The following DGCR2 variants were observed in gnomAD, a reference collection of about 807,000 sequenced individuals.
DGCR2 encodes integral membrane protein DGCR2/IDD.
DGCR2 carries 24 observed loss-of-function variants against 51.6 expected under a neutral mutation model. The ratio of observed to expected loss-of-function variants is 0.47; its 90% CI spans 0.34 to 0.65. The LOEUF is 0.65. Ranked by LOEUF, DGCR2 falls within the 30% of genes least tolerant of loss-of-function variation. DGCR2 has a pLI of 0.01. For missense variants in DGCR2, 765 were observed against 772.1 expected (o/e 0.99, Z 0.11); for synonymous variants, 340 against 315.4 (o/e 1.08, Z -0.82).
At position 19,041,389 on chromosome 22, in the gene DGCR2, G is replaced by A. The variant is rs888349025; in HGVS notation, c.1160-95C>T. 27 of 1,234,258 alleles carry A rather than the reference G, an allele frequency of 2.2e-5. No homozygotes were observed. In the South Asian group the frequency reaches 2.9e-4, roughly 13 times the overall value. 76.5% of individuals were successfully genotyped at this position (1,234,258 alleles called of 1,614,324 possible). ...CCCCCACCCCCAGGCTGGGCCTGCC[G>A]TCCCTGAGTGCACACACCTGTGCCC... On this transcript the variant is annotated intron_variant, in intron 8 of 9. Transcript: ENST00000263196.
chr22:19,062,779 A>ACTCT (rs11471797), intron 5 of DGCR2, among the ~76,000 whole-genome samples: 3,410 of 127,434 alleles, frequency 0.027, 159 homozygotes, highest in Middle Eastern at 0.047. Context: ...ATGCATGCTC[A>ACTCT]CTCTCTCTCT....
intron 2 of DGCR2, among the ~76,000 whole-genome samples, chr22:19,069,486 G>A (rs1307978543): frequency 6.6e-6 from 1 of 152,204 alleles, no homozygotes; most frequent in East Asian, 1.9e-4. Flanking sequence ...ATTTAACTAT[G>A]CGAGCATCTG....
intron 6 of DGCR2, among the ~76,000 whole-genome samples, chr22:19,053,909 G>T (rs1832589692): frequency 6.6e-6 from 1 of 152,164 alleles, no homozygotes; most frequent in African/African-American, 2.4e-5. Context: ...CAATGAAACA[G>T]ATGAAGAATA....
At chr22:19,106,237 G>GAA (rs2083260399) in intron 1 of DGCR2, among the ~76,000 whole-genome samples, 1 of 152,182 alleles carries the variant, frequency 6.6e-6, no homozygotes, top group Non-Finnish European at 1.5e-5. Flanking sequence ...GCCCAAAAGA[G>GAA]AAAATTACTC....
chr22:19,075,840 T>C (rs1174621916), intron 2 of DGCR2, among the ~76,000 whole-genome samples: 1 of 152,232 alleles, frequency 6.6e-6, no homozygotes, highest in Non-Finnish European at 1.5e-5. Context: ...TGATGGACAC[T>C]TGGGTTGCTT....
chr22:19,091,750 A>G (rs1158690232), intron 1 of DGCR2, among the ~76,000 whole-genome samples: 1 of 152,026 alleles, frequency 6.6e-6, no homozygotes, highest in East Asian at 1.9e-4. Flanking sequence ...CAGGAGTTCG[A>G]GACCAGCCTG....
chr22:19,041,329 C>G (rs774225043), intron 8 of DGCR2, 35 bp from the exon 9 acceptor site: 1 of 1,600,900 alleles, frequency 6.2e-7, no homozygotes, highest in Admixed American at 1.7e-5. Flanking sequence ...GGAACAGAGA[C>G]AAGTCACTGG....
At chr22:19,055,820 T>C (rs1049557668) in intron 6 of DGCR2, 2 of 154,062 alleles carry the variant, frequency 1.3e-5, no homozygotes, top group South Asian at 2.0e-4. Flanking sequence ...CTGCAATGGA[T>C]GGTCGCGAGG....
chr22:19,122,228 C>A lies in DGCR2; in HGVS notation c.-22G>T. On this transcript the variant is annotated 5_prime_UTR_variant, in exon 1 of 10. Coordinates refer to ENST00000263196, the MANE Select transcript of DGCR2 (RefSeq NM_005137.3). ...CCATTTATCCTCCGTTCATCGTCCC[C>A]GGGGCGGCTGGAAGGCCGGACCAGG... 7.7e-7 allele frequency: 1 copy of A among 1,296,436 alleles called. No individual in the cohort carries two copies. Among genetic ancestry groups the A allele is most frequent in the South Asian group, 1.5e-5 (1 of 66,654 alleles). The allele number at this position is 1,296,436 out of a possible 1,614,324, so 80.3% of individuals were successfully genotyped here. A position where few individuals can be genotyped will look rare whatever the true frequency, so the allele number is the denominator to read the frequency against.
intron 2 of DGCR2, among the ~76,000 whole-genome samples, chr22:19,080,672 C>CA (rs2082926180): frequency 6.6e-6 from 1 of 152,060 alleles, no homozygotes; most frequent in African/African-American, 2.4e-5. Context: ...CTCGTCTCTA[C>CA]AAAAAATTTA....
chr22:19,060,795 C>A, intron 5 of DGCR2: 1 of 470,740 alleles, frequency 2.1e-6, no homozygotes, highest in Non-Finnish European at 4.2e-6. Context: ...CCAGGCGGGG[C>A]TCACAGGCTG....
At chr22:19,085,099 G>T in intron 2 of DGCR2, among the ~76,000 whole-genome samples, 1 of 130,262 alleles carries the variant, frequency 7.7e-6, no homozygotes, top group African/African-American at 3.1e-5. Context: ...AAATTCTCCT[G>T]CCTTGGAAAA....
chr22:19,105,548 G>T (rs1371793755), intron 1 of DGCR2, among the ~76,000 whole-genome samples: 1 of 152,202 alleles, frequency 6.6e-6, no homozygotes, highest in Non-Finnish European at 1.5e-5. Flanking sequence ...AACAGGTGCT[G>T]CCCAGTGGGG....
chr22:19,046,931 G>A (rs2082496469), intron 7 of DGCR2: 1 of 157,542 alleles, frequency 6.3e-6, no homozygotes, highest in Non-Finnish European at 1.4e-5. Flanking sequence ...GAGTGGCAAG[G>A]CAGCACTGGT....
intron 2 of DGCR2, among the ~76,000 whole-genome samples, chr22:19,084,019 G>T (rs1283349772): frequency 6.6e-6 from 1 of 152,134 alleles, no homozygotes; most frequent in Non-Finnish European, 1.5e-5. Context: ...CGTTCACTCA[G>T]TGCTCAATGT....
chr22:19,105,218 G>A (rs535941282), intron 1 of DGCR2, among the ~76,000 whole-genome samples: 2 of 152,328 alleles, frequency 1.3e-5, no homozygotes, highest in African/African-American at 4.8e-5. Flanking sequence ...AGCTACTTGG[G>A]AGGCTGAGGT....
intron 1 of DGCR2, among the ~76,000 whole-genome samples, chr22:19,092,948 C>A (rs2083095294): frequency 2.0e-5 from 3 of 149,062 alleles, no homozygotes; most frequent in African/African-American, 2.5e-5. Flanking sequence ...AGTTCATCTA[C>A]AAAATGAAGT....
chr22:19,039,842 T>A (rs2082411716), intron 9 of DGCR2, among the ~76,000 whole-genome samples: 1 of 152,142 alleles, frequency 6.6e-6, no homozygotes, highest in South Asian at 2.1e-4. Flanking sequence ...GCCTGCCCAG[T>A]AACTGGGACT....
At chr22:19,076,122 G>A (rs1249515070) in intron 2 of DGCR2, among the ~76,000 whole-genome samples, 1 of 136,974 alleles carries the variant, frequency 7.3e-6, no homozygotes, top group Non-Finnish European at 1.5e-5. Flanking sequence ...ATGACGCCCA[G>A]CTAATTTTTG....
Sources: gnomAD v4.1 joint callset for allele counts (sites outside exome capture counted in the v4.1 genomes callset) on GRCh38, gnomAD v4.1.1 for gene constraint, MANE v1.5 for transcripts, NCBI Gene and HGNC (gene_info 2026-07-23, HGNC 2026-07-21) for gene names.